PABPC4L: variants seen among roughly 807,000 people sequenced by gnomAD.
PABPC4L encodes poly(A) binding protein cytoplasmic 4 like.
For missense variants in PABPC4L, 452 were observed against 451.4 expected, an observed-to-expected ratio of 1.00 and a Z score of -0.01; for synonymous variants, 169 against 164.1, an observed-to-expected ratio of 1.03 and a Z score of -0.23.
chr4:134,170,255 G>A, the PABPC4L span, among the ~76,000 whole-genome samples: 34 of 152,172 alleles, frequency 2.2e-4, no homozygotes, highest in African/African-American at 7.9e-4. Context: ...TTACAGCTGT[G>A]TAGTATTCCA....
chr4:134,083,693 A>C, the PABPC4L span, among the ~76,000 whole-genome samples: 3 of 152,210 alleles, frequency 2.0e-5, no homozygotes, highest in African/African-American at 7.2e-5. Context: ...TAATTGTGCT[A>C]AAAAGCATTC....
chr4:133,951,307 A>AAACTG, the PABPC4L span, among the ~76,000 whole-genome samples: 1 of 152,194 alleles, frequency 6.6e-6, no homozygotes, highest in Non-Finnish European at 1.5e-5. Context: ...TTTCCATAAG[A>AAACTG]AACTGGCTGG....
At chr4:133,955,940 A>C in the PABPC4L span, among the ~76,000 whole-genome samples, 1 of 152,142 alleles carries the variant, frequency 6.6e-6, no homozygotes, top group Non-Finnish European at 1.5e-5. Flanking sequence ...GTGTCTTGAA[A>C]TCAGCTAAAG....
At chr4:134,090,536 G>A in the PABPC4L span, among the ~76,000 whole-genome samples, 2 of 152,000 alleles carry the variant, frequency 1.3e-5, no homozygotes, top group Non-Finnish European at 2.9e-5. Context: ...AGAAAGCTGC[G>A]ATAGGATGAC....
chr4:134,117,034 C>T, the PABPC4L span, among the ~76,000 whole-genome samples: 2 of 150,532 alleles, frequency 1.3e-5, no homozygotes, highest in Non-Finnish European at 3.0e-5. Flanking sequence ...TTTTCTGTCT[C>T]TTTTTTTCTT....
chr4:133,980,388 T>A, the PABPC4L span, among the ~76,000 whole-genome samples: 1 of 152,204 alleles, frequency 6.6e-6, no homozygotes, highest in African/African-American at 2.4e-5. Context: ...AGATGTGGTC[T>A]TAGAATCAAC....
chr4:134,051,869 G>C, the PABPC4L span, among the ~76,000 whole-genome samples: 5 of 151,982 alleles, frequency 3.3e-5, no homozygotes, highest in African/African-American at 1.2e-4. Context: ...GTTTATACAT[G>C]TCTTCAGATG....
the PABPC4L span, among the ~76,000 whole-genome samples, chr4:134,116,923 T>C: frequency 6.6e-6 from 1 of 151,766 alleles, no homozygotes; most frequent in South Asian, 2.1e-4. Context: ...ATAAGATCTT[T>C]GTATGTTTTA....
At chr4:134,087,545 T>C in the PABPC4L span, among the ~76,000 whole-genome samples, 1 of 152,136 alleles carries the variant, frequency 6.6e-6, no homozygotes. Context: ...TAACACCAGT[T>C]GTGCTGCAGA....
At chr4:134,128,411 C>T in the PABPC4L span, among the ~76,000 whole-genome samples, 25 of 152,082 alleles carry the variant, frequency 1.6e-4, no homozygotes, top group Non-Finnish European at 2.6e-4. Context: ...AGCTGTGAGT[C>T]GAAAGCATCA....
At chr4:134,015,386 T>C in the PABPC4L span, among the ~76,000 whole-genome samples, 27 of 152,194 alleles carry the variant, frequency 1.8e-4, no homozygotes, top group East Asian at 4.7e-3. Flanking sequence ...AATACCTCCC[T>C]CCACAATCCA....
At chr4:134,158,221 T>C in the PABPC4L span, among the ~76,000 whole-genome samples, 1 of 152,004 alleles carries the variant, frequency 6.6e-6, no homozygotes, top group Non-Finnish European at 1.5e-5. Flanking sequence ...ATCCTTTCCA[T>C]ACACTTTCTT....
chr4:134,019,617 A>C, the PABPC4L span, among the ~76,000 whole-genome samples: 1 of 152,200 alleles, frequency 6.6e-6, no homozygotes, highest in East Asian at 1.9e-4. Context: ...TTACAAAAAC[A>C]TATTAATAAT....
the PABPC4L span, among the ~76,000 whole-genome samples, chr4:133,972,718 T>C: frequency 1.3e-5 from 2 of 152,104 alleles, no homozygotes; most frequent in African/African-American, 2.4e-5. Flanking sequence ...AGTGAACATA[T>C]TATGTAAGGC....
the PABPC4L span, among the ~76,000 whole-genome samples, chr4:134,191,320 A>G: frequency 6.6e-6 from 1 of 152,136 alleles, no homozygotes; most frequent in African/African-American, 2.4e-5. Flanking sequence ...CATGACTGGA[A>G]CAACAGTATA....
the PABPC4L span, among the ~76,000 whole-genome samples, chr4:134,177,686 C>G: frequency 6.6e-6 from 1 of 152,080 alleles, no homozygotes; most frequent in East Asian, 1.9e-4. Context: ...GTAAGCACAT[C>G]TTTATATTGT....
chr4:134,082,112 G>A, the PABPC4L span, among the ~76,000 whole-genome samples: 1 of 152,062 alleles, frequency 6.6e-6, no homozygotes, highest in African/African-American at 2.4e-5. Flanking sequence ...ATAAGCATAA[G>A]ACAAAGACTT....
At chr4:134,082,164 A>G in the PABPC4L span, among the ~76,000 whole-genome samples, 2 of 152,188 alleles carry the variant, frequency 1.3e-5, no homozygotes, top group Non-Finnish European at 2.9e-5. Flanking sequence ...GTCTTATTAC[A>G]TTATTTTTCA....
At position 134,201,106 on chromosome 4, in the gene PABPC4L, G is replaced by T; in HGVS notation, c.-87C>A. 6.4e-7 allele frequency: 1 copy of T among 1,550,710 alleles called. No individual in the cohort carries two copies. Among genetic ancestry groups the T allele is most frequent in the South Asian group, 1.2e-5 (1 of 83,464 alleles). ...GATACTAGGTCACAGCTTTGGCCCG[G>T]TTCAAGTGTGGAGGCCTCGGGATCA... On this transcript the variant is annotated 5_prime_UTR_variant, in exon 2 of 2. Transcript: ENST00000421491.
Sources: allele counts gnomAD v4.1 joint callset (sites outside exome capture counted in the v4.1 genomes callset), GRCh38; gene constraint gnomAD v4.1.1; transcripts MANE v1.5; gene names NCBI Gene and HGNC (gene_info 2026-07-23, HGNC 2026-07-21).